MEGF10: variants seen among roughly 807,000 people sequenced by gnomAD.
MEGF10 encodes the protein multiple EGF like domains 10, also known as multiple epidermal growth factor-like domains protein 10.
A neutral mutation model predicts 147.5 loss-of-function variants in MEGF10; 86 were observed. The observed-to-expected ratio is 0.58, with a 90% confidence interval of 0.49 to 0.70. The LOEUF (loss-of-function observed/expected upper bound fraction) is 0.70. Ranked by LOEUF, MEGF10 falls within the 30% of genes least tolerant of loss-of-function variation. The probability of loss-of-function intolerance (pLI) is 0.00; values close to 1 mark genes in which losing one functional copy is unlikely to be tolerated. For missense variants in MEGF10, 1,329 were observed against 1,487.3 expected, an observed-to-expected ratio of 0.89 and a Z score of 1.75; for synonymous variants, 478 against 525.5, an observed-to-expected ratio of 0.91 and a Z score of 1.24.
At chr5:127,438,893 A>G (rs1765652414) in intron 17 of MEGF10, among the ~76,000 whole-genome samples, 1 of 152,200 alleles carries the variant, frequency 6.6e-6, no homozygotes, top group Admixed American at 6.5e-5. Flanking sequence ...TAGGATAAGT[A>G]TAGAGATTAG....
chr5:127,335,135 G>C (rs951278363), intron 2 of MEGF10, among the ~76,000 whole-genome samples: 2 of 152,208 alleles, frequency 1.3e-5, no homozygotes, highest in Non-Finnish European at 2.9e-5. Flanking sequence ...GCCTCTGAAT[G>C]CTGAAAGTTG....
intron 5 of MEGF10, among the ~76,000 whole-genome samples, chr5:127,383,781 G>A (rs1763335538): frequency 2.0e-5 from 3 of 152,184 alleles, no homozygotes; most frequent in Admixed American, 6.5e-5. Flanking sequence ...TTCATAAACA[G>A]TTAAGTCTCT....
chr5:127,452,911 C>T (rs1766209661), intron 22 of MEGF10, among the ~76,000 whole-genome samples: 1 of 152,194 alleles, frequency 6.6e-6, no homozygotes, highest in Non-Finnish European at 1.5e-5. Flanking sequence ...TTAGACTCTT[C>T]ACAACCCAGA....
chr5:127,303,716 G>A (rs1312519017), intron 1 of MEGF10, among the ~76,000 whole-genome samples: 22 of 152,178 alleles, frequency 1.4e-4, no homozygotes, highest in Non-Finnish European at 4.4e-5. Context: ...AAATGTAGTT[G>A]AAAAGTTAAG....
the MEGF10 span, among the ~76,000 whole-genome samples, chr5:127,276,582 A>T: frequency 6.6e-4 from 101 of 152,358 alleles, no homozygotes; most frequent in African/African-American, 2.3e-3. Flanking sequence ...AGAATTTCCT[A>T]CTTAGGAAAG....
rs1236440531 is a variant in MEGF10 at position 127,339,120 on chromosome 5, C to T, written c.117C>T (p.Ser39=). 1.9e-6 allele frequency: 3 copies of T among 1,573,536 alleles called. No individual in the cohort carries two copies. Among genetic ancestry groups the T allele is most frequent in the African/African-American group, 1.4e-5 (1 of 73,872 alleles). Residue 39 remains serine (S), a splice_region_variant and synonymous_variant, in exon 3 of 25, where the codon AGC becomes AGT. Transcript: ENST00000503335. ...EDPNVCSHWE[S]YSVTVQESYP... is the part of the protein sequence containing the mutation. ...TTCTTATTTTTCCATTTCTTTTCAG[C>T]TACTCAGTGACTGTGCAAGAGTCAT...
At chr5:127,315,121 G>C (rs1760468102) in intron 1 of MEGF10, among the ~76,000 whole-genome samples, 1 of 152,154 alleles carries the variant, frequency 6.6e-6, no homozygotes, top group African/African-American at 2.4e-5. Flanking sequence ...AGATTGCAAA[G>C]CTTGTGGCCC....
At chr5:127,371,436 C>T (rs1229310240) in intron 5 of MEGF10, among the ~76,000 whole-genome samples, 1 of 152,024 alleles carries the variant, frequency 6.6e-6, no homozygotes, top group Non-Finnish European at 1.5e-5. Context: ...ATGTTGCTTT[C>T]ATTAACTTTT....
the MEGF10 span, among the ~76,000 whole-genome samples, chr5:127,277,798 G>A: frequency 5.3e-5 from 8 of 152,258 alleles, no homozygotes; most frequent in African/African-American, 1.9e-4. Flanking sequence ...GAGAGAAAGA[G>A]CAGCTCAAGG....
chr5:127,236,714 A>T, the MEGF10 span, among the ~76,000 whole-genome samples: 6 of 152,238 alleles, frequency 3.9e-5, no homozygotes, highest in Non-Finnish European at 8.8e-5. Context: ...GATAAAATTT[A>T]AAAACTGCCT....
chr5:127,419,008 A>C, intron 10 of MEGF10, 112 bp from the exon 11 acceptor site: 2 of 1,318,122 alleles, frequency 1.5e-6, no homozygotes, highest in Non-Finnish European at 2.1e-6. Context: ...ACAGTGTGTT[A>C]AAATTAGAGA....
intron 2 of MEGF10, among the ~76,000 whole-genome samples, chr5:127,338,455 G>A (rs1486483776): frequency 2.0e-5 from 3 of 152,068 alleles, no homozygotes; most frequent in Admixed American, 1.3e-4. Context: ...AGAAGAACCT[G>A]TTAGTGAAAA....
chr5:127,440,144 A>G (rs2127014296), intron 17 of MEGF10, among the ~76,000 whole-genome samples: 1 of 152,364 alleles, frequency 6.6e-6, no homozygotes, highest in Middle Eastern at 3.4e-3. Context: ...TCGCCGGTCT[A>G]AGCATTGAAA....
At chr5:127,249,120 AAAT>A in the MEGF10 span, among the ~76,000 whole-genome samples, 1 of 151,996 alleles carries the variant, frequency 6.6e-6, no homozygotes, top group Non-Finnish European at 1.5e-5. Flanking sequence ...GTTCAAGCAA[AAAT>A]AATAATGCGT....
the MEGF10 span, among the ~76,000 whole-genome samples, chr5:127,239,853 T>C: frequency 2.0e-5 from 3 of 152,168 alleles, no homozygotes; most frequent in Non-Finnish European, 4.4e-5. Flanking sequence ...TTGATGAGGA[T>C]AAGCTGCCAT....
chr5:127,398,117 C>T (rs994195738), intron 6 of MEGF10, among the ~76,000 whole-genome samples: 1 of 150,482 alleles, frequency 6.6e-6, no homozygotes, highest in African/African-American at 2.5e-5. Context: ...CTAATGCATG[C>T]GGGGCTTAAA....
At chr5:127,348,983 C>T (rs1364552770) in intron 4 of MEGF10, among the ~76,000 whole-genome samples, 3 of 151,906 alleles carry the variant, frequency 2.0e-5, no homozygotes, top group African/African-American at 7.3e-5. Flanking sequence ...GTAATTCCAG[C>T]GCTTTGAAAG....
intron 7 of MEGF10, among the ~76,000 whole-genome samples, chr5:127,399,339 C>T (rs750050364): frequency 2.0e-5 from 3 of 152,136 alleles, no homozygotes; most frequent in Non-Finnish European, 1.5e-5. Flanking sequence ...CAAATTTTGA[C>T]GAGAATACCC....
At chr5:127,372,385 C>G (rs1401325295) in intron 5 of MEGF10, among the ~76,000 whole-genome samples, 2 of 152,302 alleles carry the variant, frequency 1.3e-5, no homozygotes, top group South Asian at 2.1e-4. Context: ...CAAACCCAGT[C>G]TCCCCCATTG....
Sources: gnomAD v4.1 joint callset for allele counts (sites outside exome capture counted in the v4.1 genomes callset) on GRCh38, gnomAD v4.1.1 for gene constraint, MANE v1.5 for transcripts, NCBI Gene and HGNC (gene_info 2026-07-23, HGNC 2026-07-21) for gene names.